The following DDHD1 variants were observed in gnomAD, a reference collection of about 807,000 sequenced individuals.
The protein encoded by DDHD1 is DDHD domain containing 1.
A neutral mutation model predicts 96.4 loss-of-function variants in DDHD1; 49 were observed. That is an observed-to-expected ratio of 0.51 (90% confidence interval 0.40 to 0.64). DDHD1 has a LOEUF of 0.64. Among genes scored for constraint, DDHD1 ranks in the 30% least tolerant of loss-of-function variants. The pLI is 0.00. For synonymous variants in DDHD1, 442 were observed against 446.5 expected (o/e 0.99, Z 0.13); for missense variants, 1,106 against 1,161.2 (o/e 0.95, Z 0.69).
chr14:53,059,406 A>G (rs994772178), intron 8 of DDHD1, among the ~76,000 whole-genome samples: 3 of 151,102 alleles, frequency 2.0e-5, no homozygotes, highest in Middle Eastern at 3.4e-3. Context: ...CACCACGCCC[A>G]GCTAATTTTT....
intron 6 of DDHD1, among the ~76,000 whole-genome samples, chr14:53,065,260 T>C (rs113913780): frequency 1.8e-4 from 27 of 152,214 alleles, no homozygotes; most frequent in African/African-American, 5.8e-4. Context: ...GGCTGAGGAA[T>C]AGAGTTAGTC....
At chr14:53,111,431 A>G (rs1209090233) in intron 1 of DDHD1, among the ~76,000 whole-genome samples, 1 of 152,142 alleles carries the variant, frequency 6.6e-6, no homozygotes, top group Admixed American at 6.5e-5. Flanking sequence ...TATTGGTGAT[A>G]ATGACTCTTC....
At chr14:53,137,438 A>G (rs1194987061) in intron 1 of DDHD1, among the ~76,000 whole-genome samples, 1 of 152,066 alleles carries the variant, frequency 6.6e-6, no homozygotes, top group Non-Finnish European at 1.5e-5. Flanking sequence ...CTAAAAATAC[A>G]AAAATTAGCT....
At chr14:53,146,203 A>C (rs548226210) in intron 1 of DDHD1, among the ~76,000 whole-genome samples, 1 of 151,164 alleles carries the variant, frequency 6.6e-6, no homozygotes, top group Non-Finnish European at 1.5e-5. Context: ...GTGAAACTCC[A>C]TCTCAAAACA....
intron 1 of DDHD1, among the ~76,000 whole-genome samples, chr14:53,116,388 A>G (rs920004343): frequency 6.6e-6 from 1 of 152,232 alleles, no homozygotes; most frequent in South Asian, 2.1e-4. Context: ...ATAGACATCT[A>G]CGGAACTCTC....
At chr14:53,086,580 C>A (rs1170009938) in intron 4 of DDHD1, among the ~76,000 whole-genome samples, 9 of 151,718 alleles carry the variant, frequency 5.9e-5, no homozygotes, top group Non-Finnish European at 1.0e-4. Flanking sequence ...AGAAAAAAAT[C>A]TTTTACAGAC....
intron 1 of DDHD1, among the ~76,000 whole-genome samples, chr14:53,123,086 CAG>C (rs914627771): frequency 1.3e-5 from 2 of 150,594 alleles, no homozygotes; most frequent in African/African-American, 4.9e-5. Context: ...CACATTTGTA[CAG>C]AGACACAAAT....
intron 11 of DDHD1, chr14:53,054,036 A>C (rs1277490467): frequency 6.4e-6 from 1 of 157,070 alleles, no homozygotes; most frequent in Non-Finnish European, 1.4e-5. Flanking sequence ...ACTTTGGTAT[A>C]GCAGTTTTTA....
chr14:53,087,977 G>C (rs1445623882), intron 4 of DDHD1, among the ~76,000 whole-genome samples: 3 of 152,086 alleles, frequency 2.0e-5, no homozygotes, highest in Non-Finnish European at 4.4e-5. Context: ...ACGATAAAAA[G>C]ATTATCACTA....
chr14:53,112,191 C>T (rs1012343604), intron 1 of DDHD1, among the ~76,000 whole-genome samples: 3 of 152,026 alleles, frequency 2.0e-5, no homozygotes, highest in Admixed American at 6.6e-5. Flanking sequence ...CCGAAGTGGG[C>T]GGATCATGAG....
At chr14:53,144,259 G>A (rs1414791108) in intron 1 of DDHD1, among the ~76,000 whole-genome samples, 1 of 152,246 alleles carries the variant, frequency 6.6e-6, no homozygotes, top group Non-Finnish European at 1.5e-5. Flanking sequence ...TGGGTAACTT[G>A]TGCTAATCTT....
chr14:53,139,658 C>T (rs1478101774), intron 1 of DDHD1, among the ~76,000 whole-genome samples: 1 of 151,994 alleles, frequency 6.6e-6, no homozygotes, highest in African/African-American at 2.4e-5. Flanking sequence ...TGCACTCCAG[C>T]CTCAGCAACA....
intron 11 of DDHD1, 174 bp downstream of exon 11, chr14:53,054,264 C>T: frequency 1.8e-6 from 1 of 565,218 alleles, no homozygotes; most frequent in Non-Finnish European, 3.0e-6. Context: ...CTGCATTTTC[C>T]TGGAAATTAT....
intron 1 of DDHD1, among the ~76,000 whole-genome samples, chr14:53,134,962 T>C (rs1890126891): frequency 6.6e-6 from 1 of 152,160 alleles, no homozygotes; most frequent in African/African-American, 2.4e-5. Flanking sequence ...TTCAGTTTAA[T>C]CTCTCCCACT....
rs752313648 is a variant in DDHD1, at chr14:53,103,871, T to C, written c.839-15A>G. 1.3e-6 allele frequency: 2 copies of C among 1,583,896 alleles called. No individual in the cohort carries two copies. The highest frequency in any genetic ancestry group is 1.2e-5 in the South Asian group (1 of 86,216). ...TTTATCAGCCTCTGAAAAAGAGAAA[T>C]CACAGAATTATACACATTTTAAGAT... On this transcript the variant is annotated splice_polypyrimidine_tract_variant and intron_variant, in intron 1 of 12. Coordinates refer to ENST00000673822, the MANE Select transcript of DDHD1 (RefSeq NM_001160148.2).
At chr14:53,096,314 T>C (rs17625774) in intron 2 of DDHD1, 14,976 of 333,806 alleles carry the variant, frequency 0.045, 470 homozygotes, top group Non-Finnish European at 0.054. Context: ...AAATGAGTTG[T>C]ATTTGAAAAA....
chr14:53,147,631 C>T (rs1453113754), intron 1 of DDHD1, among the ~76,000 whole-genome samples: 1 of 152,102 alleles, frequency 6.6e-6, no homozygotes, highest in East Asian at 1.9e-4. Flanking sequence ...TTCTAAAATG[C>T]ACTCTAAAGC....
chr14:53,096,116 C>G, intron 2 of DDHD1: 1 of 981,584 alleles, frequency 1.0e-6, no homozygotes. Context: ...AATTACTGTA[C>G]CTTGGGAATG....
At chr14:53,088,181 C>A (rs111233205) in intron 4 of DDHD1, among the ~76,000 whole-genome samples, 4,689 of 152,114 alleles carry the variant, frequency 0.031, 240 homozygotes, top group African/African-American at 0.1. Flanking sequence ...TAATTAATAA[C>A]CTACCAACCA....
Sources: allele counts gnomAD v4.1 joint callset (sites outside exome capture counted in the v4.1 genomes callset), GRCh38; gene constraint gnomAD v4.1.1; transcripts MANE v1.5; gene names NCBI Gene and HGNC (gene_info 2026-07-23, HGNC 2026-07-21).